Variants in COL27A1 observed in about 807,000 individuals in gnomAD.
COL27A1 encodes the protein collagen alpha-1(XXVII) chain.
COL27A1 carries 106 observed loss-of-function variants against 251.3 expected under a neutral mutation model. The observed-to-expected ratio is 0.42, with a 90% confidence interval of 0.36 to 0.50. The LOEUF is 0.50. Among genes scored for constraint, COL27A1 ranks in the 20% least tolerant of loss-of-function variants. The pLI is 0.00. For missense variants in COL27A1, 2,325 were observed against 2,522.8 expected, an observed-to-expected ratio of 0.92 and a Z score of 1.68; for synonymous variants, 1,000 against 986.3, an observed-to-expected ratio of 1.01 and a Z score of -0.26.
intron 1 of COL27A1, 37 bp downstream of exon 1, chr9:114,156,049 C>T: frequency 1.5e-6 from 2 of 1,295,798 alleles, no homozygotes; most frequent in Non-Finnish European, 2.0e-6. Context: ...TCCCTAGCTT[C>T]CTGCTGCTCC....
chr9:114,162,066 C>T (rs1309772230), intron 1 of COL27A1, among the ~76,000 whole-genome samples: 3 of 152,222 alleles, frequency 2.0e-5, no homozygotes, highest in Admixed American at 6.5e-5. Context: ...GCCAGGTTTG[C>T]ACGTGGCTCT....
At chr9:114,217,001 A>G (rs1329945555) in intron 12 of COL27A1, among the ~76,000 whole-genome samples, 4 of 152,176 alleles carry the variant, frequency 2.6e-5, no homozygotes, top group African/African-American at 9.7e-5. Flanking sequence ...CATCTCTGCT[A>G]TGCCAGGGCT....
At chr9:114,240,533 A>G (rs753827287) in intron 21 of COL27A1, 46 bp downstream of exon 21, 7 of 1,563,572 alleles carry the variant, frequency 4.5e-6, no homozygotes, top group Non-Finnish European at 6.1e-6. Flanking sequence ...GCCTGATTGC[A>G]GCCCCCAGCC....
chr9:114,156,549 T>G (rs2567721), intron 1 of COL27A1, among the ~76,000 whole-genome samples: 107,674 of 151,162 alleles, frequency 0.71, 38,790 homozygotes, highest in East Asian at 0.97. Context: ...CTCCGCGTGT[T>G]TGTGTTAGTC....
chr9:114,270,817 G>A (rs371437609), intron 36 of COL27A1, 36 bp downstream of exon 36: 8 of 1,521,696 alleles, frequency 5.3e-6, no homozygotes, highest in Non-Finnish European at 6.4e-6. Context: ...TGGGGACCCC[G>A]GCAGGGCATT....
At chr9:114,252,829 G>A (rs777239649) in intron 26 of COL27A1, 50 bp from the exon 27 acceptor site, 8 of 1,584,786 alleles carry the variant, frequency 5.0e-6, no homozygotes, top group Non-Finnish European at 6.9e-6. Flanking sequence ...TGGGACTGAA[G>A]GAGGAAGCTT....
In COL27A1 at chr9:114,256,575, AG is replaced by A. The variant is rs920150935; in HGVS notation, c.3142-1963del. On this transcript the variant is annotated intron_variant, in intron 27 of 60. Transcript: ENST00000356083. ...CCTAGGGTCGCCCTGGGACCTGCCTAGGGTCACCCAGTGACCAGAGTTGGGT... is the reference window on the plus strand; with the variant it reads ...CCTAGGGTCGCCCTGGGACCTGCCTAGGTCACCCAGTGACCAGAGTTGGGT... Among the ~76,000 whole-genome samples, 4 of 152,228 alleles carry A rather than the reference AG, an allele frequency of 2.6e-5. No homozygotes were observed. The South Asian group carries it at 8.3e-4, about 32-fold the overall frequency.
chr9:114,259,694 T>C (rs1174911153), intron 28 of COL27A1, among the ~76,000 whole-genome samples: 4 of 152,188 alleles, frequency 2.6e-5, no homozygotes, highest in African/African-American at 9.6e-5. Context: ...TTCAGCCTTA[T>C]TTTCAATCAC....
chr9:114,174,309 CA>C (rs1165494436), intron 3 of COL27A1, among the ~76,000 whole-genome samples: 3 of 152,030 alleles, frequency 2.0e-5, no homozygotes, highest in African/African-American at 7.3e-5. Context: ...AGGTGAAACA[CA>C]AGGGGCCTGG....
intron 43 of COL27A1, 72 bp from the exon 44 acceptor site, chr9:114,288,842 C>T: frequency 6.2e-7 from 1 of 1,606,582 alleles, no homozygotes; most frequent in African/African-American, 1.3e-5. Flanking sequence ...ACAAGAACTT[C>T]CCAGGCTTCT....
At chr9:114,189,257 T>C (rs917355822) in intron 5 of COL27A1, among the ~76,000 whole-genome samples, 1 of 152,320 alleles carries the variant, frequency 6.6e-6, no homozygotes. Flanking sequence ...GGAAATGAAG[T>C]TGGGCTCCAG....
intron 3 of COL27A1, among the ~76,000 whole-genome samples, chr9:114,175,510 G>A (rs975458754): frequency 1.2e-4 from 18 of 152,210 alleles, no homozygotes; most frequent in African/African-American, 3.9e-4. Flanking sequence ...GGCAGCCGGC[G>A]GTCCCCACCC....
intron 1 of COL27A1, among the ~76,000 whole-genome samples, chr9:114,160,261 T>A (rs1033989463): frequency 7.9e-5 from 12 of 151,988 alleles, no homozygotes; most frequent in Admixed American, 2.6e-4. Context: ...TTCACGCCAT[T>A]CTCCTGCCTC....
chr9:114,172,520 T>A (rs1370753016), intron 3 of COL27A1, among the ~76,000 whole-genome samples: 1 of 152,130 alleles, frequency 6.6e-6, no homozygotes, highest in Non-Finnish European at 1.5e-5. Flanking sequence ...AAAGCTGTAG[T>A]AGAGGCTGGG....
intron 12 of COL27A1, among the ~76,000 whole-genome samples, chr9:114,213,290 T>G (rs943627726): frequency 1.3e-5 from 2 of 152,104 alleles, no homozygotes; most frequent in Non-Finnish European, 2.9e-5. Flanking sequence ...CCCCTTCTAC[T>G]CCATCCTCTG....
At position 114,168,596 on chromosome 9, in the gene COL27A1, G is replaced by A. The variant is rs774426205; in HGVS notation, c.1041G>A (p.Thr347=). The change falls in exon 3 of 61, where the codon ACG becomes ACA. Residue 347 remains threonine, a synonymous_variant. Coordinates refer to ENST00000356083, the MANE Select transcript of COL27A1 (RefSeq NM_032888.4). ...LPASVGGSTR[T]PRPAAAQPSQ... ...CCTCTGTTGGCGGCTCTACCAGAAC[G>A]CCTCGCCCTGCGGCCGCTCAACCAT... 1.5e-5 allele frequency: 24 copies of A among 1,613,862 alleles called. No individual in the cohort carries two copies. The highest frequency in any genetic ancestry group is 1.3e-4 in the East Asian group (6 of 44,874).
Position 114,169,079 on chromosome 9 carries a change from A to C in COL27A1, c.1524A>C (p.Val508=), listed in dbSNP as rs2135084828. 6.2e-7 allele frequency: 1 copy of C among 1,613,888 alleles called. No homozygotes were observed. The change falls in exon 3 of 61, where the codon GTA becomes GTC. Residue 508 remains valine (V), a synonymous_variant. Coordinates refer to ENST00000356083, the MANE Select transcript of COL27A1 (RefSeq NM_032888.4). ...TRSTRPPATM[V]PPTSGTSTPR... Reference sequence around the variant, plus strand: ...GTACTCGGCCACCAGCCACGATGGTACCTCCAACTTCGGGCACCAGCACTC... The same window carrying C: ...GTACTCGGCCACCAGCCACGATGGTCCCTCCAACTTCGGGCACCAGCACTC...
intron 8 of COL27A1, 99 bp downstream of exon 8, chr9:114,205,245 C>T (rs1829868172): frequency 3.5e-6 from 4 of 1,158,332 alleles, no homozygotes; most frequent in Non-Finnish European, 4.9e-6. Flanking sequence ...GTGAGCCAGC[C>T]CCAGAGCCAG....
chr9:114,265,482 G>A lies in COL27A1; in HGVS notation c.3393+7G>A. The A allele has an allele frequency of 6.2e-7, 1 of 1,613,664 alleles. No individual in the cohort carries two copies. The highest frequency in any genetic ancestry group is 1.3e-5 in the African/African-American group (1 of 75,062). On this transcript the variant is annotated splice_region_variant and intron_variant, in intron 32 of 60. Transcript: ENST00000356083. ...GGGCCTCCCAGGAGAACCGGTAAGAGCCCTTTCCTTCCCTCTTCTGCTTCT... is the reference window on the plus strand; with the variant it reads ...GGGCCTCCCAGGAGAACCGGTAAGAACCCTTTCCTTCCCTCTTCTGCTTCT...
Sources: allele counts gnomAD v4.1 joint callset (sites outside exome capture counted in the v4.1 genomes callset), GRCh38; gene constraint gnomAD v4.1.1; transcripts MANE v1.5; gene names NCBI Gene and HGNC (gene_info 2026-07-23, HGNC 2026-07-21).